Variants in PLGRKT observed in about 807,000 individuals in gnomAD.
The protein encoded by PLGRKT is plasminogen receptor with a C-terminal lysine.
PLGRKT carries 22 observed loss-of-function variants against 18.5 expected under a neutral mutation model. That is an observed-to-expected ratio of 1.19 (90% CI 0.85 to 1.70). The LOEUF is 1.70. PLGRKT is among the 40% of genes most tolerant of loss of function. PLGRKT has a pLI of 0.00. For missense variants in PLGRKT, 235 were observed against 174.4 expected, an observed-to-expected ratio of 1.35 and a Z score of -1.96; for synonymous variants, 72 against 52.8, an observed-to-expected ratio of 1.36 and a Z score of -1.58.
In PLGRKT at chr9:5,404,575, C is replaced by T. The variant is rs143450693; in HGVS notation, c.81+27322G>A. Among the ~76,000 whole-genome samples the T allele has an allele frequency of 3.6e-4, 55 of 152,280 alleles. No individual in the cohort carries two copies. The East Asian group carries it at 0.011, about 29-fold the overall frequency. On this transcript the variant is annotated intron_variant, in intron 3 of 5. Coordinates refer to ENST00000223864, the MANE Select transcript of PLGRKT (RefSeq NM_018465.4). ...AAAAAACACCTTTGATAAAATTCAA[C>T]ATCGCTTCATGTTAAAAACTCTTAA...
At chr9:5,370,207 C>A (rs901342389) in intron 3 of PLGRKT, among the ~76,000 whole-genome samples, 1 of 152,194 alleles carries the variant, frequency 6.6e-6, no homozygotes, top group Non-Finnish European at 1.5e-5. Context: ...TGTGTATTTT[C>A]ATTCTTCAAT....
intron 3 of PLGRKT, among the ~76,000 whole-genome samples, chr9:5,422,286 T>C (rs1818593242): frequency 6.6e-6 from 1 of 152,166 alleles, no homozygotes; most frequent in African/African-American, 2.4e-5. Flanking sequence ...TCATGAGCCT[T>C]GTGATGTGAT....
chr9:5,433,398 G>A (rs1397258955), intron 2 of PLGRKT, among the ~76,000 whole-genome samples: 1 of 150,512 alleles, frequency 6.6e-6, no homozygotes, highest in Non-Finnish European at 1.5e-5. Context: ...TCTGGGATGT[G>A]AGGAGCGCCT....
At chr9:5,414,586 A>C (rs753699033) in intron 3 of PLGRKT, among the ~76,000 whole-genome samples, 1 of 152,220 alleles carries the variant, frequency 6.6e-6, no homozygotes, top group Non-Finnish European at 1.5e-5. Context: ...AATAAATCCA[A>C]CTGCATTACA....
At chr9:5,402,206 G>C (rs1209789799) in intron 3 of PLGRKT, among the ~76,000 whole-genome samples, 1 of 151,792 alleles carries the variant, frequency 6.6e-6, no homozygotes. Flanking sequence ...TGTTTGATTA[G>C]TGTCAACAGA....
intron 2 of PLGRKT, among the ~76,000 whole-genome samples, chr9:5,432,758 G>A (rs1173492423): frequency 3.9e-5 from 6 of 152,302 alleles, no homozygotes; most frequent in African/African-American, 9.6e-5. Context: ...TCGGCCTCCC[G>A]AGGTGCTGGG....
intron 3 of PLGRKT, among the ~76,000 whole-genome samples, chr9:5,422,934 C>T (rs1159490962): frequency 6.6e-6 from 1 of 152,104 alleles, no homozygotes; most frequent in Non-Finnish European, 1.5e-5. Flanking sequence ...AAGATTATAT[C>T]TTCAGTTAAT....
At chr9:5,417,073 A>AAGTT (rs1818476095) in intron 3 of PLGRKT, among the ~76,000 whole-genome samples, 2 of 152,226 alleles carry the variant, frequency 1.3e-5, no homozygotes, top group African/African-American at 4.8e-5. Flanking sequence ...TTCTTACTGT[A>AAGTT]ACTAAGCTAA....
At chr9:5,412,551 T>C (rs926566279) in intron 3 of PLGRKT, among the ~76,000 whole-genome samples, 4 of 152,214 alleles carry the variant, frequency 2.6e-5, no homozygotes, top group Non-Finnish European at 5.9e-5. Context: ...CTTCCCGCCA[T>C]GTCCTGATGC....
At chr9:5,411,139 T>C (rs987732793) in intron 3 of PLGRKT, among the ~76,000 whole-genome samples, 5 of 151,746 alleles carry the variant, frequency 3.3e-5, no homozygotes, top group Admixed American at 1.3e-4. Flanking sequence ...ATCCCAACAC[T>C]TTGGGAGGCC....
intron 3 of PLGRKT, among the ~76,000 whole-genome samples, chr9:5,386,927 A>G (rs1392054028): frequency 6.6e-6 from 1 of 151,946 alleles, no homozygotes; most frequent in Non-Finnish European, 1.5e-5. Context: ...GGGGTGTTTA[A>G]GAAACAGCAA....
At chr9:5,404,173 T>C (rs980947224) in intron 3 of PLGRKT, among the ~76,000 whole-genome samples, 1 of 152,102 alleles carries the variant, frequency 6.6e-6, no homozygotes, top group African/African-American at 2.4e-5. Flanking sequence ...CTGATGGATT[T>C]ACAGCTGAAT....
intron 3 of PLGRKT, among the ~76,000 whole-genome samples, chr9:5,364,200 G>A (rs893543452): frequency 6.6e-6 from 1 of 152,154 alleles, no homozygotes; most frequent in African/African-American, 2.4e-5. Flanking sequence ...AGGATCTGGA[G>A]GTAAAATCAG....
chr9:5,429,094 A>G (rs1586746341), intron 3 of PLGRKT, among the ~76,000 whole-genome samples: 1 of 152,178 alleles, frequency 6.6e-6, no homozygotes, highest in Admixed American at 6.5e-5. Context: ...AATTAAAGGG[A>G]CCTTTATAGC....
chr9:5,368,225 T>A (rs958562494), intron 3 of PLGRKT, among the ~76,000 whole-genome samples: 1 of 152,160 alleles, frequency 6.6e-6, no homozygotes, highest in African/African-American at 2.4e-5. Flanking sequence ...GCAATCCCAT[T>A]ACTGGGTATA....
In PLGRKT at chr9:5,361,793, A is replaced by T. The variant is rs1201371207; in HGVS notation, c.177T>A (p.Thr59=). The change falls in exon 4 of 6, where the codon ACT becomes ACA. Residue 59 remains threonine, a synonymous_variant. Coordinates refer to ENST00000223864, the MANE Select transcript of PLGRKT (RefSeq NM_018465.4). ...WSREFLKYFG[T]FFGLAAISLT... ...AAGAGATGGCTGCAAGGCCAAAAAA[A>T]GTTCCAAAATATTTGAGGAATTCCC... is the stretch of plus-strand genomic sequence containing the variant. 1.2e-6 allele frequency: 2 copies of T among 1,613,098 alleles called. No individual in the cohort carries two copies. Among genetic ancestry groups the T allele is most frequent in the South Asian group, 2.2e-5 (2 of 90,780 alleles).
At chr9:5,430,686 G>A (rs1295347874) in intron 3 of PLGRKT, among the ~76,000 whole-genome samples, 1 of 152,174 alleles carries the variant, frequency 6.6e-6, no homozygotes, top group Non-Finnish European at 1.5e-5. Flanking sequence ...TTCAAACTCA[G>A]GCAGTCTGGC....
At chr9:5,404,439 G>A (rs1013697764) in intron 3 of PLGRKT, among the ~76,000 whole-genome samples, 2 of 152,138 alleles carry the variant, frequency 1.3e-5, no homozygotes, top group African/African-American at 2.4e-5. Flanking sequence ...CAATCAAGAT[G>A]GCTTTATCCC....
intron 3 of PLGRKT, among the ~76,000 whole-genome samples, chr9:5,427,112 T>C (rs1465658639): frequency 6.6e-6 from 1 of 152,216 alleles, no homozygotes; most frequent in Non-Finnish European, 1.5e-5. Flanking sequence ...AAACAATTCA[T>C]AATTTTTAAA....
Sources: gnomAD v4.1 joint callset for allele counts (sites outside exome capture counted in the v4.1 genomes callset) on GRCh38, gnomAD v4.1.1 for gene constraint, MANE v1.5 for transcripts, NCBI Gene and HGNC (gene_info 2026-07-23, HGNC 2026-07-21) for gene names.